ANKRD13B: variants seen among roughly 807,000 people sequenced by gnomAD.
ANKRD13B encodes the protein ankyrin repeat domain 13B.
Under a neutral mutation model 74.4 loss-of-function variants are expected in ANKRD13B, and 33 were observed. That is an observed-to-expected ratio of 0.44 (90% confidence interval 0.34 to 0.59). The LOEUF is 0.59. ANKRD13B is among the 20% of genes least tolerant of loss of function. The pLI is 0.02. For synonymous variants in ANKRD13B, 341 were observed against 362.9 expected, an observed-to-expected ratio of 0.94 and a Z score of 0.68; for missense variants, 676 against 877.9, an observed-to-expected ratio of 0.77 and a Z score of 2.91.
chr17:29,612,771 G>T lies in ANKRD13B; in HGVS notation c.1531G>T (p.Ala511Ser), dbSNP rs1329170893. 1.9e-6 allele frequency: 3 copies of T among 1,603,112 alleles called. No homozygotes were observed. The highest frequency in any genetic ancestry group is 2.5e-6 in the Non-Finnish European group (3 of 1,178,886). Residue 511 changes from alanine to serine, a missense_variant, in exon 13 of 15, where the codon GCC becomes TCC. Physicochemically the swap from Ala to Ser is moderately conservative, Grantham distance 99. This residue lies in a region of ANKRD13B where 152 missense variants were observed against 181.4 expected (regional missense o/e 0.84). Coordinates refer to ENST00000394859, the MANE Select transcript of ANKRD13B (RefSeq NM_152345.5). This position sits in a 1 kb window ranked among gnomAD's most constrained non-coding sequence, Gnocchi z 6.1. ...CGACGACGACGACCTGCTGCAATTCGCCATCCAGCAGAGCCTGCTTGAGGC... is the reference window on the plus strand; with the variant it reads ...CGACGACGACGACCTGCTGCAATTCTCCATCCAGCAGAGCCTGCTTGAGGC... ...RDDDDDLLQFAIQQSLLEAGS... is the reference protein window; with the variant it reads ...RDDDDDLLQFSIQQSLLEAGS...
chr17:29,607,853 A>C lies in ANKRD13B; in HGVS notation c.226A>C (p.Arg76=), dbSNP rs2034444121. The stretch of plus-strand genomic sequence containing the variant: ...CCTGGCGCACGGCGCAGACGTGGGC[A>C]GGGAGAATCGCAGCGGCTGGACAGG... ...VLLAHGADVG[R]ENRSGWTVLQ... Residue 76 remains arginine (R), a synonymous_variant, in exon 2 of 15, where the codon AGG becomes CGG. Transcript: ENST00000394859. 6.2e-7 allele frequency: 1 copy of C among 1,602,742 alleles called. No individual in the cohort carries two copies. Among genetic ancestry groups the C allele is most frequent in the African/African-American group, 1.3e-5 (1 of 74,822 alleles).
rs756698235 is a variant in ANKRD13B at position 29,608,040 on chromosome 17, G to A, written c.305G>A (p.Arg102Gln). The A allele has an allele frequency of 1.9e-6, 3 of 1,612,712 alleles. No individual in the cohort carries two copies. Among genetic ancestry groups the A allele is most frequent in the Non-Finnish European group, 2.5e-6 (3 of 1,179,506 alleles). ...CTGGAGCTGGTGCAGCTGGTGCTTC[G>A]GTACCGGGACTACCAGCGGGTGGTG... is the stretch of plus-strand genomic sequence containing the variant. ...RDLELVQLVLRYRDYQRVVKR... is the reference protein window; with the variant it reads ...RDLELVQLVLQYRDYQRVVKR... Residue 102 changes from arginine to glutamine, a missense_variant, in exon 3 of 15, where the codon CGG becomes CAG. Coordinates refer to ENST00000394859, the MANE Select transcript of ANKRD13B (RefSeq NM_152345.5). The surrounding 1 kb of genome is among the most constrained non-coding windows in gnomAD (Gnocchi z 6.4).
rs773182372 is a variant in ANKRD13B, at chr17:29,612,700, G to A, written c.1460G>A (p.Arg487His). The change falls in exon 13 of 15, where the codon CGC (arginine) becomes CAC (histidine). Residue 487 changes from arginine to histidine, a missense_variant. Around this residue, in one of 4 missense-constraint regions of ANKRD13B, gnomAD observed 152 missense variants for 181.4 expected, o/e 0.84. Transcript: ENST00000394859. The surrounding 1 kb of genome is among the most constrained non-coding windows in gnomAD (Gnocchi z 6.1). Reference protein sequence around the residue: ...EISPALFEAPRGYSMMGGQRE... With the variant: ...EISPALFEAPHGYSMMGGQRE... ...TCCCCAGCGTTGTTCGAGGCCCCGC[G>A]CGGCTACAGCATGATGGGCGGCCAG... is the stretch of plus-strand genomic sequence containing the variant. The A allele has an allele frequency of 4.4e-6, 7 of 1,595,640 alleles. No homozygotes were observed. The highest frequency in any genetic ancestry group is 5.9e-6 in the Non-Finnish European group (7 of 1,176,488).
In ANKRD13B at chr17:29,607,287, A is replaced by C. The variant is rs989440853; in HGVS notation, c.115-455A>C. Among the ~76,000 whole-genome samples the C allele has an allele frequency of 1.3e-5, 2 of 152,192 alleles. 1 individual carries two copies. The highest frequency in any genetic ancestry group is 4.1e-4 in the South Asian group (2 of 4,836). On this transcript the variant is annotated intron_variant, in intron 1 of 14. Coordinates refer to ENST00000394859, the MANE Select transcript of ANKRD13B (RefSeq NM_152345.5). ...CGTTTGTTAAACCTCACTCAGTGATAATGTCAGTGATCTAAATTGGTAGCT... is the reference window on the plus strand; with the variant it reads ...CGTTTGTTAAACCTCACTCAGTGATCATGTCAGTGATCTAAATTGGTAGCT...
At chr17:29,595,100 C>T (rs1187027709) in intron 1 of ANKRD13B, among the ~76,000 whole-genome samples, 5 of 152,194 alleles carry the variant, frequency 3.3e-5, no homozygotes, top group Admixed American at 3.3e-4. Flanking sequence ...TCCTCAGACC[C>T]TGTCTTTGTT....
Position 29,601,469 on chromosome 17 carries a change from G to A in ANKRD13B, c.115-6273G>A, listed in dbSNP as rs576315467. Among the ~76,000 whole-genome samples the A allele has an allele frequency of 5.9e-5, 9 of 151,376 alleles. No homozygotes were observed. In the South Asian group the frequency reaches 8.4e-4, roughly 14 times the overall value. ...ACTCCTGACCTCTGGTGACCTGCCCGCCTCGGCCTCCCAAAGTGCTGGGAT... is the reference window on the plus strand; with the variant it reads ...ACTCCTGACCTCTGGTGACCTGCCCACCTCGGCCTCCCAAAGTGCTGGGAT... On this transcript the variant is annotated intron_variant, in intron 1 of 14. Coordinates refer to ENST00000394859, the MANE Select transcript of ANKRD13B (RefSeq NM_152345.5).
rs1295314665 is a variant in ANKRD13B, at chr17:29,612,116, G to T, written c.1101G>T (p.Lys367Asn). 1 of 1,613,912 alleles carries T rather than the reference G, an allele frequency of 6.2e-7. No individual in the cohort carries two copies. Among genetic ancestry groups the T allele is most frequent in the African/African-American group, 1.3e-5 (1 of 74,906 alleles). The change falls in exon 11 of 15, where the codon AAG becomes AAT. Residue 367 changes from lysine to asparagine, a missense_variant and splice_region_variant. Around this residue, in one of 4 missense-constraint regions of ANKRD13B, gnomAD observed 328 missense variants for 518.4 expected, o/e 0.63. Coordinates refer to ENST00000394859, the MANE Select transcript of ANKRD13B (RefSeq NM_152345.5). The surrounding 1 kb of genome is among the most constrained non-coding windows in gnomAD (Gnocchi z 6.1). ...RPMELTTKTQ[K>N]FKAKLWLCEE... Reference sequence around the variant, plus strand: ...ACCCCTTGGGATCTGGTGGGGGCAGGTTCAAGGCCAAGCTGTGGCTGTGTG... The same window carrying T: ...ACCCCTTGGGATCTGGTGGGGGCAGTTTCAAGGCCAAGCTGTGGCTGTGTG...
Position 29,607,734 on chromosome 17 carries a change from T to C in ANKRD13B, c.115-8T>C, listed in dbSNP as rs777142500. 47 of 1,594,448 alleles carry C rather than the reference T, an allele frequency of 2.9e-5. No individual in the cohort carries two copies. The highest frequency in any genetic ancestry group is 3.9e-5 in the Non-Finnish European group (46 of 1,177,180). ...GGGCTTTATCTTCCACTCCTCCTCC[T>C]CCTCCAGGTGGACATCGAGCAGCTG... is the stretch of plus-strand genomic sequence containing the variant. On this transcript the variant is annotated splice_region_variant and splice_polypyrimidine_tract_variant and intron_variant, in intron 1 of 14. Transcript: ENST00000394859.
chr17:29,606,441 C>G (rs2034378804), intron 1 of ANKRD13B, among the ~76,000 whole-genome samples: 1 of 151,324 alleles, frequency 6.6e-6, no homozygotes, highest in African/African-American at 2.4e-5. Flanking sequence ...GCCTGTAATC[C>G]CAGCTACTCA....
rs765206512 is a variant in ANKRD13B, at chr17:29,614,319, C to G, written c.*737C>G. ...GCAAGCCCTGACTCCCTCATGGTGC[C>G]TCGGAGAGTGGGGAGCATATTGGGC... On this transcript the variant is annotated 3_prime_UTR_variant, in exon 15 of 15. Transcript: ENST00000394859. 2 of 152,148 alleles carry G rather than the reference C, an allele frequency of 1.3e-5. No homozygotes were observed. The highest frequency in any genetic ancestry group is 1.9e-4 in the East Asian group (1 of 5,174). The allele number at this position is 152,148 out of a possible 1,614,324, so 9.4% of individuals were successfully genotyped here. A position where few individuals can be genotyped will look rare whatever the true frequency, so the allele number is the denominator to read the frequency against.
chr17:29,596,158 G>A (rs979427184), intron 1 of ANKRD13B, among the ~76,000 whole-genome samples: 4 of 152,240 alleles, frequency 2.6e-5, no homozygotes, highest in Admixed American at 1.3e-4. Flanking sequence ...AGAAAGCCCC[G>A]CAGAGGCCCT....
chr17:29,605,433 CAT>C lies in ANKRD13B; in HGVS notation c.115-2307_115-2306del, dbSNP rs1249994789. 5.0e-3 allele frequency among the ~76,000 whole-genome samples: 738 copies of C among 148,684 alleles called. 4 individuals are homozygous for C. Among genetic ancestry groups the C allele is most frequent in the African/African-American group, 0.017 (707 of 40,770 alleles). On this transcript the variant is annotated intron_variant, in intron 1 of 14. Transcript: ENST00000394859. ...ACACACAAACACACACACACACACA[CAT>C]ACACACACACATATATATATACACA...
At chr17:29,605,894 C>T (rs2034352884) in intron 1 of ANKRD13B, among the ~76,000 whole-genome samples, 1 of 151,852 alleles carries the variant, frequency 6.6e-6, no homozygotes, top group Non-Finnish European at 1.5e-5. Flanking sequence ...GAGGGAGTTA[C>T]ATGCATGTGG....
chr17:29,611,873 C>T lies in ANKRD13B; in HGVS notation c.970-3C>T. The T allele has an allele frequency of 6.2e-7, 1 of 1,605,574 alleles. No homozygotes were observed. The highest frequency in any genetic ancestry group is 8.5e-7 in the Non-Finnish European group (1 of 1,175,468). ...CTCCTGGGCCCCTCCCCATGTGGTACAGACCCTGATCACTCAGACTCTGAG... is the reference window on the plus strand; with the variant it reads ...CTCCTGGGCCCCTCCCCATGTGGTATAGACCCTGATCACTCAGACTCTGAG... On this transcript the variant is annotated splice_region_variant and splice_polypyrimidine_tract_variant and intron_variant, in intron 9 of 14. Coordinates refer to ENST00000394859, the MANE Select transcript of ANKRD13B (RefSeq NM_152345.5). The surrounding 1 kb of genome is among the most constrained non-coding windows in gnomAD (Gnocchi z 4.3).
At chr17:29,604,127 C>T (rs1007479478) in intron 1 of ANKRD13B, among the ~76,000 whole-genome samples, 8 of 151,988 alleles carry the variant, frequency 5.3e-5, no homozygotes, top group African/African-American at 1.9e-4. Context: ...TGTTAAGCAT[C>T]TGGATTTGTT....
Position 29,608,689 on chromosome 17 carries a change from G to A in ANKRD13B, c.422-162G>A. On this transcript the variant is annotated intron_variant, in intron 4 of 14. Transcript: ENST00000394859. This position sits in a 1 kb window ranked among gnomAD's most constrained non-coding sequence, Gnocchi z 6.4. ...TCAGGTTGCTCTTCTGTGTGAGTAT[G>A]GTCTACACTGGCCAGGGAGGGGGTT... The A allele has an allele frequency of 3.0e-6, 3 of 1,002,364 alleles. No homozygotes were observed. The highest frequency in any genetic ancestry group is 4.3e-6 in the Non-Finnish European group (3 of 696,190). 62.1% of individuals were successfully genotyped at this position (1,002,364 alleles called of 1,614,324 possible).
Position 29,612,566 on chromosome 17 carries a change from C to G in ANKRD13B, c.1411+12C>G. 2 of 1,529,604 alleles carry G rather than the reference C, an allele frequency of 1.3e-6. No individual in the cohort carries two copies. Among genetic ancestry groups the G allele is most frequent in the South Asian group, 1.2e-5 (1 of 83,472 alleles). 94.8% of individuals were successfully genotyped at this position (1,529,604 alleles called of 1,614,324 possible). On this transcript the variant is annotated intron_variant, in intron 12 of 14. Coordinates refer to ENST00000394859, the MANE Select transcript of ANKRD13B (RefSeq NM_152345.5). This position sits in a 1 kb window ranked among gnomAD's most constrained non-coding sequence, Gnocchi z 6.1. The stretch of plus-strand genomic sequence containing the variant: ...CTCCAGCTCCACGAGTGAGGCCCCC[C>G]GCGAGAACGCCTGCCCCTCGGCTCT...
In ANKRD13B at chr17:29,612,541, C is replaced by T; in HGVS notation, c.1398C>T (p.Ser466=). ...GCAGCGACTCCTCCAGCGTCAGCAG[C>T]TCCAGCTCCACGAGTGAGGCCCCCC... The part of the protein sequence containing the change: ...SPGSDSSSVS[S]SSSTTSCRGC... Residue 466 remains serine (S), a synonymous_variant, in exon 12 of 15, where the codon AGC becomes AGT. Coordinates refer to ENST00000394859, the MANE Select transcript of ANKRD13B (RefSeq NM_152345.5). The surrounding 1 kb of genome is among the most constrained non-coding windows in gnomAD (Gnocchi z 6.1). The T allele has an allele frequency of 6.4e-7, 1 of 1,561,320 alleles. No individual in the cohort carries two copies. Among genetic ancestry groups the T allele is most frequent in the Non-Finnish European group, 8.7e-7 (1 of 1,153,040 alleles).
Position 29,593,503 on chromosome 17 carries a change from C to T in ANKRD13B, c.-119C>T. The T allele has an allele frequency of 3.6e-6, 1 of 281,502 alleles. No homozygotes were observed. The highest frequency in any genetic ancestry group is 5.3e-6 in the Non-Finnish European group (1 of 189,316). 17.4% of individuals were successfully genotyped at this position (281,502 alleles called of 1,614,324 possible). Reference sequence around the variant, plus strand: ...CCGCCCGCCGCCGCTCGCACATGCCCGAGCCGCAGCCCCGCGAGCAGGCAG... The same window carrying T: ...CCGCCCGCCGCCGCTCGCACATGCCTGAGCCGCAGCCCCGCGAGCAGGCAG... On this transcript the variant is annotated 5_prime_UTR_variant, in exon 1 of 15. Coordinates refer to ENST00000394859, the MANE Select transcript of ANKRD13B (RefSeq NM_152345.5).
Sources: gnomAD v4.1 joint callset for allele counts (sites outside exome capture counted in the v4.1 genomes callset) on GRCh38, gnomAD v4.1.1 for gene constraint, gnomAD v4.1.1 regional missense constraint, Gnocchi (gnomAD v3.1) non-coding constraint, MANE v1.5 for transcripts, NCBI Gene and HGNC (gene_info 2026-07-23, HGNC 2026-07-21) for gene names.